Variants in CEP128 observed in about 807,000 individuals in gnomAD.
CEP128 encodes centrosomal protein 128, also known as centrosomal protein 128kDa.
A neutral mutation model predicts 156.7 loss-of-function variants in CEP128; 132 were observed. The ratio of observed to expected loss-of-function variants is 0.84; its 90% CI spans 0.73 to 0.97. CEP128 has a LOEUF of 0.97. Ranked by LOEUF, CEP128 falls within the 50% of genes least tolerant of loss-of-function variation. The pLI is 0.00. For synonymous variants in CEP128, 469 were observed against 448.9 expected, an observed-to-expected ratio of 1.04 and a Z score of -0.57; for missense variants, 1,252 against 1,281.9, an observed-to-expected ratio of 0.98 and a Z score of 0.36.
intron 23 of CEP128, among the ~76,000 whole-genome samples, chr14:80,512,859 A>T (rs970042567): frequency 1.3e-5 from 2 of 152,134 alleles, no homozygotes; most frequent in African/African-American, 2.4e-5. Context: ...AAACCAATAA[A>T]AACACTTTAA....
chr14:80,807,304 T>C (rs1158105508), intron 13 of CEP128, among the ~76,000 whole-genome samples: 2 of 152,230 alleles, frequency 1.3e-5, no homozygotes, highest in East Asian at 1.9e-4. Context: ...TTTCTACTTA[T>C]GTTTAAATTA....
chr14:80,816,518 C>A (rs1884867445), intron 13 of CEP128, among the ~76,000 whole-genome samples: 1 of 152,168 alleles, frequency 6.6e-6, no homozygotes, highest in African/African-American at 2.4e-5. Context: ...TGATCAGGGG[C>A]TACCATGCCC....
In CEP128 at chr14:80,668,437, T is replaced by C. The variant is rs188130202; in HGVS notation, c.2806+74638A>G. Among the ~76,000 whole-genome samples, 406 of 152,282 alleles carry C rather than the reference T, an allele frequency of 2.7e-3. 2 individuals are homozygous for C. The highest frequency in any genetic ancestry group is 9.2e-3 in the African/African-American group (384 of 41,566). ...TAAAAATAAAATATGTGTCACAAAT[T>C]CTTGGCTGAAGAGTAAATTACAGAA... On this transcript the variant is annotated intron_variant, in intron 19 of 24. Transcript: ENST00000555265.
rs1566837793 is a variant in CEP128 at position 80,656,282 on chromosome 14, TATATATATTTATATA to T, written c.2807-75874_2807-75860del. On this transcript the variant is annotated intron_variant, in intron 19 of 24. Transcript: ENST00000555265. The stretch of plus-strand genomic sequence containing the variant: ...CTCAATAAACCTAAGTTTTTATTTA[TATATATATTTATATA>T]TATATATATATATATATATATATAT... Among the ~76,000 whole-genome samples the T allele has an allele frequency of 5.6e-3, 41 of 7,342 alleles. 1 individual carries two copies. The highest frequency in any genetic ancestry group is 0.027 in the African/African-American group (38 of 1,416). 4.8% of individuals were successfully genotyped at this position (7,342 alleles called of 152,430 possible). A position where few individuals can be genotyped will look rare whatever the true frequency, so the allele number is the denominator to read the frequency against.
chr14:80,629,216 G>C (rs903848490), intron 19 of CEP128, among the ~76,000 whole-genome samples: 23 of 152,090 alleles, frequency 1.5e-4, no homozygotes, highest in Admixed American at 9.8e-4. Flanking sequence ...TCTGATACTA[G>C]AGATCAGCGA....
At chr14:80,863,189 G>A (rs1446077126) in intron 8 of CEP128, among the ~76,000 whole-genome samples, 1 of 152,166 alleles carries the variant, frequency 6.6e-6, no homozygotes, top group Non-Finnish European at 1.5e-5. Flanking sequence ...GTGCCCTCTG[G>A]TGAGTTAGAA....
downstream of CEP128, among the ~76,000 whole-genome samples, chr14:80,486,589 G>A (rs960271392): frequency 6.6e-6 from 1 of 152,148 alleles, no homozygotes; most frequent in Non-Finnish European, 1.5e-5. Context: ...AAGTTGAAAT[G>A]AAGGAAAAAA....
At chr14:80,907,396 G>A (rs1883948995) in intron 4 of CEP128, among the ~76,000 whole-genome samples, 1 of 151,960 alleles carries the variant, frequency 6.6e-6, no homozygotes, top group Non-Finnish European at 1.5e-5. Flanking sequence ...GCGGTTGCTC[G>A]CGCCTGTAAT....
At chr14:80,730,867 T>C (rs1595302546) in intron 19 of CEP128, among the ~76,000 whole-genome samples, 2 of 152,160 alleles carry the variant, frequency 1.3e-5, no homozygotes, top group Non-Finnish European at 2.9e-5. Flanking sequence ...TCCAATAATA[T>C]TATAATTAAA....
At chr14:80,547,616 G>A (rs1001589287) in intron 21 of CEP128, among the ~76,000 whole-genome samples, 4 of 152,132 alleles carry the variant, frequency 2.6e-5, no homozygotes, top group Admixed American at 6.5e-5. Flanking sequence ...AACCTTGTCT[G>A]CTGTATGCTT....
chr14:80,793,010 C>A lies in CEP128; in HGVS notation c.1310G>T (p.Arg437Leu), dbSNP rs145742045. ...TGAGATCTGAAGGTCAGCATGCTTA[C>A]GCTCGGCCTCACATGTGTCAAAGTG... The part of the protein sequence containing the change: ...QNHFDTCEAE[R>L]KHADLQISEL... Residue 437 changes from arginine (R) to leucine (L), a missense_variant, in exon 14 of 25, where the codon CGT becomes CTT. Transcript: ENST00000555265. The A allele has an allele frequency of 6.2e-7, 1 of 1,614,182 alleles. No individual in the cohort carries two copies. The highest frequency in any genetic ancestry group is 8.5e-7 in the Non-Finnish European group (1 of 1,180,026).
chr14:80,906,482 G>T (rs138826689), intron 4 of CEP128, among the ~76,000 whole-genome samples: 1 of 152,094 alleles, frequency 6.6e-6, no homozygotes, highest in African/African-American at 2.4e-5. Context: ...GAAACTCCAG[G>T]TCTACAACAA....
chr14:80,785,205 T>C lies in CEP128; in HGVS notation c.1901A>G (p.Gln634Arg). The C allele has an allele frequency of 1.9e-6, 3 of 1,614,218 alleles. No individual in the cohort carries two copies. Among genetic ancestry groups the C allele is most frequent in the Non-Finnish European group, 2.5e-6 (3 of 1,180,014 alleles). The change falls in exon 15 of 25, where the codon CAA (glutamine) becomes CGA (arginine). Residue 634 changes from glutamine to arginine, a missense_variant. By Grantham distance (43) the Gln-to-Arg change is conservative. Transcript: ENST00000555265. ...AQDKAKLLEM[Q>R]ESIKDLSAIR... ...GGCACTCAGGTCCTTGATGGACTCT[T>C]GCATCTCAAGAAGTTTAGCTTTGTC...
intron 19 of CEP128, among the ~76,000 whole-genome samples, chr14:80,666,030 T>C (rs116202153): frequency 0.028 from 4,233 of 152,174 alleles, 209 homozygotes; most frequent in African/African-American, 0.097. Flanking sequence ...CTTTTCCAAT[T>C]GCAAAGTCAA....
chr14:80,837,466 C>T (rs535000390), intron 11 of CEP128, among the ~76,000 whole-genome samples: 1 of 148,918 alleles, frequency 6.7e-6, no homozygotes, highest in Non-Finnish European at 1.5e-5. Context: ...CACCTATAAT[C>T]CCAGCACTTT....
intron 2 of CEP128, among the ~76,000 whole-genome samples, chr14:80,934,723 A>G (rs1566725141): frequency 1.3e-5 from 2 of 152,256 alleles, no homozygotes; most frequent in Non-Finnish European, 2.9e-5. Flanking sequence ...AGTAGCTAGA[A>G]AAGCCTGGAT....
chr14:80,641,072 G>A (rs1894388241), intron 19 of CEP128, among the ~76,000 whole-genome samples: 1 of 152,124 alleles, frequency 6.6e-6, no homozygotes, highest in Admixed American at 6.5e-5. Flanking sequence ...ATGTTCCCGA[G>A]TTTAGTTTTC....
intron 2 of CEP128, among the ~76,000 whole-genome samples, chr14:80,928,733 G>C (rs191436586): frequency 6.6e-6 from 1 of 152,040 alleles, no homozygotes; most frequent in Admixed American, 6.5e-5. Context: ...TAATTAACTC[G>C]AGATGGATTA....
At chr14:80,679,157 A>C (rs1896209884) in intron 19 of CEP128, among the ~76,000 whole-genome samples, 1 of 152,208 alleles carries the variant, frequency 6.6e-6, no homozygotes, top group Non-Finnish European at 1.5e-5. Flanking sequence ...TAACTGTACA[A>C]ATTGATTGTA....
Sources: gnomAD v4.1 joint callset for allele counts (sites outside exome capture counted in the v4.1 genomes callset) on GRCh38, gnomAD v4.1.1 for gene constraint, MANE v1.5 for transcripts, NCBI Gene and HGNC (gene_info 2026-07-23, HGNC 2026-07-21) for gene names.